Variants in LRRC37A2 observed in about 807,000 individuals in gnomAD.
The protein encoded by LRRC37A2 is leucine-rich repeat-containing protein 37A2.
A neutral mutation model predicts 68.8 loss-of-function variants in LRRC37A2; 9 were observed. That is an observed-to-expected ratio of 0.13 (90% CI 0.08 to 0.23). The LOEUF is 0.23. Among genes scored for constraint, LRRC37A2 ranks in the 10% least tolerant of loss-of-function variants. The pLI, the probability that LRRC37A2 is intolerant of heterozygous loss-of-function variation, is 1.00. For missense variants in LRRC37A2, 168 were observed against 950.4 expected (o/e 0.18, Z 10.82); for synonymous variants, 63 against 367.6 (o/e 0.17, Z 9.48).
chr17:46,770,093 G>C, the LRRC37A2 span: 1 of 1,501,992 alleles, frequency 6.7e-7, no homozygotes, highest in East Asian at 2.5e-5. Flanking sequence ...CCCGGCCTGG[G>C]AGCGCCTGCC....
chr17:46,817,381 C>CCCCCG, the LRRC37A2 span, among the ~76,000 whole-genome samples: 3 of 152,084 alleles, frequency 2.0e-5, no homozygotes, highest in African/African-American at 7.3e-5. Flanking sequence ...TCCCCCCGCC[C>CCCCCG]AGGCCAAGGC....
chr17:46,824,421 G>A, the LRRC37A2 span, among the ~76,000 whole-genome samples: 2 of 152,088 alleles, frequency 1.3e-5, no homozygotes, highest in African/African-American at 4.8e-5. Context: ...GCTAATTTTT[G>A]TATTTTTGGT....
At chr17:46,754,063 G>A in the LRRC37A2 span, among the ~76,000 whole-genome samples, 1 of 151,220 alleles carries the variant, frequency 6.6e-6, no homozygotes, top group Non-Finnish European at 1.5e-5. Context: ...CTACAGGCAA[G>A]TCAGTAAGTT....
chr17:46,849,846 T>C, the LRRC37A2 span, among the ~76,000 whole-genome samples: 28,362 of 147,602 alleles, frequency 0.19, 3,356 homozygotes, highest in East Asian at 0.49. Flanking sequence ...AGGCATTTAA[T>C]ATCTTTTTTT....
At chr17:46,993,388 C>T in the LRRC37A2 span, among the ~76,000 whole-genome samples, 10 of 152,246 alleles carry the variant, frequency 6.6e-5, no homozygotes, top group African/African-American at 2.4e-4. Context: ...AGGGATCAGT[C>T]TGCCTACCCC....
chr17:46,876,690 A>G, the LRRC37A2 span: 3 of 1,571,680 alleles, frequency 1.9e-6, no homozygotes, highest in Non-Finnish European at 2.6e-6. Context: ...TGTGTGCAGG[A>G]GGAGCTTGTG....
the LRRC37A2 span, among the ~76,000 whole-genome samples, chr17:46,496,602 C>CGGGGG: frequency 7.6e-5 from 6 of 79,422 alleles, no homozygotes; most frequent in African/African-American, 2.6e-4. Flanking sequence ...GACTCCATCT[C>CGGGGG]AAAAGAAAAA....
chr17:46,827,450 A>G, the LRRC37A2 span, among the ~76,000 whole-genome samples: 3 of 152,152 alleles, frequency 2.0e-5, no homozygotes, highest in East Asian at 5.8e-4. Flanking sequence ...TTCTGTGACT[A>G]TGAGGAAAGC....
the LRRC37A2 span, among the ~76,000 whole-genome samples, chr17:46,994,004 G>A: frequency 6.6e-6 from 1 of 152,124 alleles, no homozygotes; most frequent in Non-Finnish European, 1.5e-5. Context: ...GGATTCTAAT[G>A]TGCAGCCAGG....
chr17:46,977,200 AT>A, the LRRC37A2 span, among the ~76,000 whole-genome samples: 1 of 152,184 alleles, frequency 6.6e-6, no homozygotes, highest in African/African-American at 2.4e-5. Context: ...AATACACGGG[AT>A]CGCATTCCCT....
chr17:46,750,690 T>C, the LRRC37A2 span, among the ~76,000 whole-genome samples: 2 of 152,054 alleles, frequency 1.3e-5, no homozygotes, highest in African/African-American at 4.8e-5. Context: ...CCAGCATGAG[T>C]GATGTATATA....
chr17:46,409,486 G>A, the LRRC37A2 span, among the ~76,000 whole-genome samples: 2 of 151,388 alleles, frequency 1.3e-5, no homozygotes, highest in African/African-American at 2.4e-5. Context: ...TAACTGTGTT[G>A]CCCAAGCTGG....
At chr17:46,762,531 A>C in the LRRC37A2 span, 1 of 151,762 alleles carries the variant, frequency 6.6e-6, no homozygotes, top group African/African-American at 2.4e-5. Flanking sequence ...CCTTCTCTTT[A>C]ATGACTTAAC....
the LRRC37A2 span, among the ~76,000 whole-genome samples, chr17:46,490,250 A>T: frequency 6.6e-6 from 1 of 151,296 alleles, no homozygotes; most frequent in African/African-American, 2.5e-5. Context: ...GACAATAAGT[A>T]AACAAATGAG....
the LRRC37A2 span, among the ~76,000 whole-genome samples, chr17:46,997,670 G>A: frequency 1.3e-5 from 2 of 152,074 alleles, no homozygotes; most frequent in African/African-American, 4.8e-5. Context: ...TGGTAGGGCT[G>A]GTTCAAGAAT....
the LRRC37A2 span, among the ~76,000 whole-genome samples, chr17:46,729,248 A>T: frequency 6.6e-6 from 1 of 152,132 alleles, no homozygotes; most frequent in Non-Finnish European, 1.5e-5. Flanking sequence ...GCCAAGGGAG[A>T]TTATGATATT....
the LRRC37A2 span, chr17:46,939,231 T>C: frequency 4.6e-4 from 485 of 1,049,602 alleles, 1 homozygote; most frequent in African/African-American, 7.5e-3. Context: ...AAATAGTAGG[T>C]CGATTCACAT....
chr17:46,548,809 G>C, exon 10 of LRRC37A2: 1 of 1,612,064 alleles, frequency 6.2e-7, no homozygotes, highest in Admixed American at 1.7e-5. Context: ...GCAGGGGCCT[G>C]AGAAGTTAGC....
chr17:46,872,556 G>C, the LRRC37A2 span: 1 of 1,583,950 alleles, frequency 6.3e-7, no homozygotes, highest in Non-Finnish European at 8.6e-7. Context: ...TCCCAGGATT[G>C]GGCACTGCGG....
Sources: gnomAD v4.1 joint callset for allele counts (sites outside exome capture counted in the v4.1 genomes callset) on GRCh38, gnomAD v4.1.1 for gene constraint, MANE v1.5 for transcripts, NCBI Gene and HGNC (gene_info 2026-07-23, HGNC 2026-07-21) for gene names.